SLC22A9: variants seen among roughly 807,000 people sequenced by gnomAD.
SLC22A9 encodes the protein solute carrier family 22 member 9.
A neutral mutation model predicts 50.1 loss-of-function variants in SLC22A9; 64 were observed. The ratio of observed to expected loss-of-function variants is 1.28; its 90% confidence interval spans 1.04 to 1.57. SLC22A9 has a LOEUF of 1.57. SLC22A9 is among the 40% of genes most tolerant of loss of function. SLC22A9 has a pLI of 0.00. For missense variants in SLC22A9, 757 were observed against 676.1 expected, an observed-to-expected ratio of 1.12 and a Z score of -1.33; for synonymous variants, 261 against 242.5, an observed-to-expected ratio of 1.08 and a Z score of -0.71.
Position 63,373,924 on chromosome 11 carries a change from C to T in SLC22A9, c.692C>T (p.Ala231Val). The part of the protein sequence containing the change: ...IAEWATHRFQ[A>V]MGITLGMCPS... ...GAGTGGGCAACACACAGATTCCAGG[C>T]CATGGGAATTACATTGGGAATGTGC... The change falls in exon 4 of 10, where the codon GCC becomes GTC. Residue 231 changes from alanine (A) to valine (V), a missense_variant. Coordinates refer to ENST00000279178, the MANE Select transcript of SLC22A9 (RefSeq NM_080866.3). 6.2e-7 allele frequency: 1 copy of T among 1,613,610 alleles called. No homozygotes were observed. The highest frequency in any genetic ancestry group is 8.5e-7 in the Non-Finnish European group (1 of 1,179,740).
At chr11:63,381,221 G>C (rs937012339) in intron 5 of SLC22A9, among the ~76,000 whole-genome samples, 2 of 152,080 alleles carry the variant, frequency 1.3e-5, no homozygotes, top group Admixed American at 6.5e-5. Context: ...TTATGGGTCT[G>C]GGAGTCCAGT....
intron 6 of SLC22A9, among the ~76,000 whole-genome samples, chr11:63,388,431 T>C (rs1481187912): frequency 6.6e-6 from 1 of 152,066 alleles, no homozygotes; most frequent in Non-Finnish European, 1.5e-5. Context: ...GTGGATATGA[T>C]CACATGGTAT....
intron 9 of SLC22A9, 140 bp downstream of exon 9, chr11:63,409,019 C>A: frequency 3.4e-6 from 3 of 878,226 alleles, no homozygotes; most frequent in Non-Finnish European, 5.5e-6. Flanking sequence ...TGCCTTAGGT[C>A]TAGGTACAGC....
chr11:63,371,510 T>C (rs2014359790), intron 2 of SLC22A9, among the ~76,000 whole-genome samples: 1 of 152,034 alleles, frequency 6.6e-6, no homozygotes, highest in African/African-American at 2.4e-5. Context: ...TTTAGAAATA[T>C]GAGAAAGAGT....
Position 63,408,723 on chromosome 11 carries a change from C to G in SLC22A9, c.1445C>G (p.Ala482Gly). The change falls in exon 9 of 10, where the codon GCC becomes GGC. Residue 482 changes from alanine to glycine, a missense_variant. Ala to Gly is a moderately conservative substitution (Grantham distance 60). Coordinates refer to ENST00000279178, the MANE Select transcript of SLC22A9 (RefSeq NM_080866.3). Reference sequence around the variant, plus strand: ...GCAACCTTTGCTAATATAGCAGGAGCCCTGGCTCCCCTCATGATGATCCTA... The same window carrying G: ...GCAACCTTTGCTAATATAGCAGGAGGCCTGGCTCCCCTCATGATGATCCTA... ...INATFANIAG[A>G]LAPLMMILSV... 1 of 1,613,980 alleles carries G rather than the reference C, an allele frequency of 6.2e-7. No individual in the cohort carries two copies. The highest frequency in any genetic ancestry group is 8.5e-7 in the Non-Finnish European group (1 of 1,179,934).
intron 5 of SLC22A9, among the ~76,000 whole-genome samples, chr11:63,381,518 T>C (rs2014559887): frequency 6.6e-6 from 1 of 152,176 alleles, no homozygotes; most frequent in Non-Finnish European, 1.5e-5. Context: ...TCTGGGCACT[T>C]GAGAATGCCT....
chr11:63,370,019 C>T lies in SLC22A9; in HGVS notation c.-38C>T. On this transcript the variant is annotated 5_prime_UTR_variant, in exon 1 of 10. Transcript: ENST00000279178. Reference sequence around the variant, plus strand: ...CTCTTTGAACCTCTCTGGATACAGTCATTTTGCCTCTACTTGAGGATCAAC... The same window carrying T: ...CTCTTTGAACCTCTCTGGATACAGTTATTTTGCCTCTACTTGAGGATCAAC... 1 of 1,579,052 alleles carries T rather than the reference C, an allele frequency of 6.3e-7. No homozygotes were observed. The highest frequency in any genetic ancestry group is 1.3e-5 in the African/African-American group (1 of 74,194).
intron 9 of SLC22A9, among the ~76,000 whole-genome samples, chr11:63,409,288 AC>A (rs1394792313): frequency 6.6e-6 from 1 of 152,224 alleles, no homozygotes; most frequent in Non-Finnish European, 1.5e-5. Context: ...GCCAGTGCTT[AC>A]AGGCCTGACT....
At chr11:63,385,912 A>G (rs536495519) in intron 6 of SLC22A9, among the ~76,000 whole-genome samples, 6 of 152,254 alleles carry the variant, frequency 3.9e-5, no homozygotes, top group Admixed American at 3.9e-4. Context: ...CCCATTCAGA[A>G]TGATATTGTC....
intron 6 of SLC22A9, among the ~76,000 whole-genome samples, chr11:63,389,016 C>A (rs1050468840): frequency 6.6e-6 from 1 of 152,094 alleles, no homozygotes; most frequent in Admixed American, 6.6e-5. Context: ...GTATCAGTTA[C>A]AATGTCTCCT....
chr11:63,371,305 TC>T, intron 2 of SLC22A9, 67 bp downstream of exon 2: 1 of 1,267,088 alleles, frequency 7.9e-7, no homozygotes, highest in Non-Finnish European at 1.1e-6. Context: ...CATTATTTCA[TC>T]TAGAATTACT....
At chr11:63,406,360 G>T in intron 6 of SLC22A9, 137 bp from the exon 7 acceptor site, 1 of 701,488 alleles carries the variant, frequency 1.4e-6, no homozygotes, top group Non-Finnish European at 2.4e-6. Flanking sequence ...AAATCACGTT[G>T]CAAGAAAATA....
rs77112960 is a variant in SLC22A9 at position 63,396,914 on chromosome 11, C to T, written c.1074-9583C>T. Among the ~76,000 whole-genome samples, 1,132 of 152,202 alleles carry T rather than the reference C, an allele frequency of 7.4e-3. 12 individuals carry two copies. The highest frequency in any genetic ancestry group is 0.025 in the African/African-American group (1,045 of 41,538). ...GTGAGGTAATGTTTCCTGGATGGTG[C>T]TGATGCTTGTGGATGTTCATCAGTG... is the stretch of plus-strand genomic sequence containing the variant. On this transcript the variant is annotated intron_variant, in intron 6 of 9. Transcript: ENST00000279178.
At chr11:63,373,590 G>A in intron 2 of SLC22A9, 54 bp from the exon 3 acceptor site, 1 of 1,460,218 alleles carries the variant, frequency 6.8e-7, no homozygotes, top group South Asian at 1.6e-5. Context: ...TCTTTGCTAA[G>A]TTTTTCCACT....
chr11:63,369,932 G>A lies in SLC22A9; in HGVS notation c.-125G>A. The A allele has an allele frequency of 1.0e-6, 1 of 982,566 alleles. No homozygotes were observed. Among genetic ancestry groups the A allele is most frequent in the Non-Finnish European group, 1.5e-6 (1 of 681,448 alleles). The allele number at this position is 982,566 out of a possible 1,614,324, so 60.9% of individuals were successfully genotyped here. A position where few individuals can be genotyped will look rare whatever the true frequency, so the allele number is the denominator to read the frequency against. ...TGCAGAGGGGAAGCACAGTCGTCAA[G>A]AAGAGAGTGGGGTCAGGATCAAAAC... On this transcript the variant is annotated 5_prime_UTR_variant, in exon 1 of 10. Coordinates refer to ENST00000279178, the MANE Select transcript of SLC22A9 (RefSeq NM_080866.3).
intron 6 of SLC22A9, among the ~76,000 whole-genome samples, chr11:63,403,067 G>A (rs1373262066): frequency 6.6e-6 from 1 of 151,812 alleles, no homozygotes; most frequent in Non-Finnish European, 1.5e-5. Flanking sequence ...TTGGATAAAT[G>A]GACAGATTCT....
chr11:63,400,479 A>T (rs2014933861), intron 6 of SLC22A9, among the ~76,000 whole-genome samples: 1 of 152,064 alleles, frequency 6.6e-6, no homozygotes, highest in South Asian at 2.1e-4. Context: ...AATACAAACC[A>T]TGAACAGAGC....
At chr11:63,375,851 T>C (rs2014452743) in intron 5 of SLC22A9, 83 bp downstream of exon 5, 1 of 1,520,894 alleles carries the variant, frequency 6.6e-7, no homozygotes, top group Non-Finnish European at 8.8e-7. Context: ...GTCCATAAGG[T>C]AAAAAAAGGA....
At chr11:63,403,964 T>C (rs960598639) in intron 6 of SLC22A9, among the ~76,000 whole-genome samples, 1 of 152,130 alleles carries the variant, frequency 6.6e-6, no homozygotes, top group Admixed American at 6.6e-5. Flanking sequence ...AACTACCATA[T>C]GATTCTGTAT....
Sources: gnomAD v4.1 joint callset for allele counts (sites outside exome capture counted in the v4.1 genomes callset) on GRCh38, gnomAD v4.1.1 for gene constraint, MANE v1.5 for transcripts, NCBI Gene and HGNC (gene_info 2026-07-23, HGNC 2026-07-21) for gene names.